SF3B4: variants seen among roughly 807,000 people sequenced by gnomAD.
The protein encoded by SF3B4 is splicing factor 3b subunit 4, also known as SAP 49.
SF3B4 carries 3 observed loss-of-function variants against 34.3 expected under a neutral mutation model. That is an observed-to-expected ratio of 0.09 (90% CI 0.04 to 0.23). The LOEUF is 0.23. Among genes scored for constraint, SF3B4 ranks in the 10% least tolerant of loss-of-function variants. The pLI is 1.00. For synonymous variants in SF3B4, 216 were observed against 207.8 expected (o/e 1.04, Z -0.34); for missense variants, 283 against 567.2 (o/e 0.50, Z 5.09).
At chr1:149,924,113 C>A in intron 4 of SF3B4, 99 bp from the exon 5 acceptor site, 1 of 1,038,120 alleles carries the variant, frequency 9.6e-7, no homozygotes, top group African/African-American at 1.7e-5. Context: ...AAAGTGACAT[C>A]AGAAAGAGAA....
At chr1:149,927,343 G>A in intron 1 of SF3B4, 49 bp from the exon 2 acceptor site, 2 of 1,602,278 alleles carry the variant, frequency 1.2e-6, no homozygotes, top group South Asian at 1.1e-5. Flanking sequence ...TAACGGGAAG[G>A]AAGGAAGTGA....
Sources: gnomAD v4.1 joint callset for allele counts on GRCh38, gnomAD v4.1.1 for gene constraint, MANE v1.5 for transcripts, NCBI Gene and HGNC (gene_info 2026-07-23, HGNC 2026-07-21) for gene names.